Variants in ZC3H15 observed in about 807,000 individuals in gnomAD.
ZC3H15 encodes zinc finger CCCH-type containing 15, also known as zinc finger CCCH domain-containing protein 15.
A neutral mutation model predicts 51.2 loss-of-function variants in ZC3H15; 15 were observed. The observed-to-expected ratio is 0.29, with a 90% CI of 0.20 to 0.45. The LOEUF is 0.45. Among genes scored for constraint, ZC3H15 ranks in the 20% least tolerant of loss-of-function variants. The pLI is 1.00. For missense variants in ZC3H15, 381 were observed against 494.7 expected (o/e 0.77, Z 2.18); for synonymous variants, 144 against 162.8 (o/e 0.88, Z 0.88).
intron 2 of ZC3H15, 45 bp downstream of exon 2, chr2:186,495,379 A>C (rs1471466907): frequency 9.4e-7 from 1 of 1,069,352 alleles, no homozygotes; most frequent in Admixed American, 3.3e-5. Context: ...TGTAATATTA[A>C]TATAGCCTCT....
chr2:186,495,144 T>C, intron 1 of ZC3H15, 89 bp from the exon 2 acceptor site: 3 of 729,624 alleles, frequency 4.1e-6, no homozygotes, highest in Middle Eastern at 3.5e-4. Context: ...AGAATAATTA[T>C]CAATAAAAAT....
chr2:186,495,587 C>A (rs775178239), intron 2 of ZC3H15, among the ~76,000 whole-genome samples: 33 of 152,130 alleles, frequency 2.2e-4, no homozygotes, highest in Admixed American at 2.0e-4. Context: ...TCATCTATTT[C>A]ACTGTTCATA....
chr2:186,497,109 G>T, intron 2 of ZC3H15: 1 of 435,708 alleles, frequency 2.3e-6, no homozygotes, highest in Non-Finnish European at 4.5e-6. Flanking sequence ...AGATTTCATA[G>T]ACATGGATCT....
At chr2:186,503,923 C>T (rs1171943042) in intron 5 of ZC3H15, 109 bp from the exon 6 acceptor site, 3 of 830,554 alleles carry the variant, frequency 3.6e-6, no homozygotes, top group Non-Finnish European at 5.3e-6. Context: ...ATAGAATGTA[C>T]TTGTGTAATA....
At chr2:186,491,268 A>G (rs555222903) in intron 1 of ZC3H15, among the ~76,000 whole-genome samples, 1 of 152,276 alleles carries the variant, frequency 6.6e-6, no homozygotes, top group East Asian at 1.9e-4. Flanking sequence ...CTGTCACTTA[A>G]TAGTTAACAT....
At chr2:186,489,481 CTA>C (rs1685160618) in intron 1 of ZC3H15, among the ~76,000 whole-genome samples, 1 of 152,012 alleles carries the variant, frequency 6.6e-6, no homozygotes, top group Non-Finnish European at 1.5e-5. Context: ...TTTTTATAGT[CTA>C]TTTTGACATA....
At position 186,505,817 on chromosome 2, in the gene ZC3H15, C is replaced by T; in HGVS notation, c.942C>T (p.Tyr314=). The T allele has an allele frequency of 6.2e-7, 1 of 1,614,038 alleles. No individual in the cohort carries two copies. Among genetic ancestry groups the T allele is most frequent in the Non-Finnish European group, 8.5e-7 (1 of 1,179,984 alleles). The change falls in exon 8 of 10, where the codon TAC becomes TAT. Residue 314 remains tyrosine, a synonymous_variant. Transcript: ENST00000337859. Reference sequence around the variant, plus strand: ...ATGAGGAAGCAGATGATACCCGCTACACCCAGGGAACAGGTGGTGATGAGG... The same window carrying T: ...ATGAGGAAGCAGATGATACCCGCTATACCCAGGGAACAGGTGGTGATGAGG... ...DDDEEADDTR[Y]TQGTGGDEVD...
intron 1 of ZC3H15, among the ~76,000 whole-genome samples, chr2:186,491,151 C>A (rs368547061): frequency 6.0e-4 from 92 of 152,206 alleles, no homozygotes; most frequent in Middle Eastern, 6.8e-3. Flanking sequence ...AAGGTTATTG[C>A]GCACCAACCA....
Position 186,501,431 on chromosome 2 carries a change from T to A in ZC3H15, c.442+6T>A. The A allele has an allele frequency of 6.2e-7, 1 of 1,603,058 alleles. No individual in the cohort carries two copies. Among genetic ancestry groups the A allele is most frequent in the East Asian group, 2.2e-5 (1 of 44,714 alleles). On this transcript the variant is annotated splice_donor_region_variant and intron_variant, in intron 4 of 9. Transcript: ENST00000337859. ...AGATGAAGAACTTGAAAAAGGTAATTTTTTTAAAAACACTCTCTTAAAAAT... is the reference window on the plus strand; with the variant it reads ...AGATGAAGAACTTGAAAAAGGTAATATTTTTAAAAACACTCTCTTAAAAAT...
At chr2:186,493,845 C>T (rs1046663662) in intron 1 of ZC3H15, among the ~76,000 whole-genome samples, 5 of 149,054 alleles carry the variant, frequency 3.4e-5, no homozygotes, top group African/African-American at 5.0e-5. Flanking sequence ...TATTAAGGCA[C>T]CAGTTATTGG....
At chr2:186,502,005 G>A (rs1291095649) in intron 4 of ZC3H15, among the ~76,000 whole-genome samples, 1 of 151,650 alleles carries the variant, frequency 6.6e-6, no homozygotes, top group Non-Finnish European at 1.5e-5. Flanking sequence ...CCACTGCTCC[G>A]GCCTTGGTGA....
intron 6 of ZC3H15, among the ~76,000 whole-genome samples, chr2:186,504,571 G>A (rs1388803854): frequency 3.3e-5 from 5 of 152,092 alleles, no homozygotes; most frequent in Admixed American, 6.5e-5. Flanking sequence ...TAGTATATTA[G>A]TTATTAGCAT....
chr2:186,503,919 T>TGTACTTGTGTAATATAAC (rs1386501855), intron 5 of ZC3H15, 113 bp from the exon 6 acceptor site: 5 of 790,968 alleles, frequency 6.3e-6, no homozygotes, highest in Non-Finnish European at 9.3e-6. Context: ...ATGAATAGAA[T>TGTACTTGTGTAATATAAC]GTACTTGTGT....
At chr2:186,507,799 A>G (rs780849222) in intron 9 of ZC3H15, among the ~76,000 whole-genome samples, 4 of 152,370 alleles carry the variant, frequency 2.6e-5, no homozygotes, top group South Asian at 2.1e-4. Context: ...GCAAACCACT[A>G]TCTTGCCAGT....
chr2:186,488,333 T>G (rs769580837), intron 1 of ZC3H15, among the ~76,000 whole-genome samples: 2 of 152,242 alleles, frequency 1.3e-5, no homozygotes, highest in Non-Finnish European at 2.9e-5. Flanking sequence ...CCTCTTTCTA[T>G]TTAATTCTTT....
At chr2:186,503,632 C>T (rs1211036340) in intron 5 of ZC3H15, among the ~76,000 whole-genome samples, 1 of 152,178 alleles carries the variant, frequency 6.6e-6, no homozygotes, top group Admixed American at 6.5e-5. Context: ...CCGCCCGCCT[C>T]GGCCTCCCAA....
intron 1 of ZC3H15, among the ~76,000 whole-genome samples, chr2:186,490,337 G>A (rs954235541): frequency 6.6e-6 from 1 of 152,118 alleles, no homozygotes; most frequent in Non-Finnish European, 1.5e-5. Flanking sequence ...CTTGGACTTA[G>A]GGCAAGCAAA....
chr2:186,503,363 GAA>G (rs1337584328), intron 5 of ZC3H15, among the ~76,000 whole-genome samples: 1 of 152,078 alleles, frequency 6.6e-6, no homozygotes, highest in African/African-American at 2.4e-5. Context: ...TCAAACCAAA[GAA>G]AATCATTTAT....
At position 186,505,843 on chromosome 2, in the gene ZC3H15, T is replaced by TAAGAGG; in HGVS notation, c.966+6_966+11dup. On this transcript the variant is annotated splice_region_variant and intron_variant, in intron 8 of 9. Coordinates refer to ENST00000337859, the MANE Select transcript of ZC3H15 (RefSeq NM_018471.3). The stretch of plus-strand genomic sequence containing the variant: ...ACCCAGGGAACAGGTGGTGATGAGG[T>TAAGAGG]AAGAGGAAGCTTTGTGCCTCATCTC... The TAAGAGG allele has an allele frequency of 6.2e-7, 1 of 1,613,310 alleles. No homozygotes were observed. Among genetic ancestry groups the TAAGAGG allele is most frequent in the Non-Finnish European group, 8.5e-7 (1 of 1,179,618 alleles).
Sources: gnomAD v4.1 joint callset for allele counts (sites outside exome capture counted in the v4.1 genomes callset) on GRCh38, gnomAD v4.1.1 for gene constraint, MANE v1.5 for transcripts, NCBI Gene and HGNC (gene_info 2026-07-23, HGNC 2026-07-21) for gene names.